CNTN1: variants seen among roughly 807,000 people sequenced by gnomAD.
CNTN1 encodes contactin-1.
Under a neutral mutation model 126.4 loss-of-function variants are expected in CNTN1, and 38 were observed. That is an observed-to-expected ratio of 0.30 (90% CI 0.23 to 0.39). The LOEUF is 0.39. Among genes scored for constraint, CNTN1 ranks in the 10% least tolerant of loss-of-function variants. The pLI, the probability that CNTN1 is intolerant of heterozygous loss-of-function variation, is 1.00. For synonymous variants in CNTN1, 413 were observed against 422.6 expected (o/e 0.98, Z 0.28); for missense variants, 1,009 against 1,248.4 (o/e 0.81, Z 2.89).
intron 20 of CNTN1, 140 bp downstream of exon 20, chr12:41,020,580 A>G: frequency 1.6e-6 from 1 of 620,748 alleles, no homozygotes; most frequent in Non-Finnish European, 2.8e-6. Flanking sequence ...TATTGTGGTC[A>G]TATATAAGTT....
intron 4 of CNTN1, among the ~76,000 whole-genome samples, chr12:40,921,927 C>A (rs1198054953): frequency 6.6e-6 from 1 of 152,118 alleles, no homozygotes; most frequent in East Asian, 1.9e-4. Flanking sequence ...ATGAATCTAA[C>A]TGGTGCATAG....
chr12:40,804,969 G>A (rs1346944296), intron 1 of CNTN1, among the ~76,000 whole-genome samples: 1 of 151,562 alleles, frequency 6.6e-6, no homozygotes, highest in Admixed American at 6.6e-5. Context: ...CTTCTTCAAA[G>A]ATATCACTGC....
intron 1 of CNTN1, among the ~76,000 whole-genome samples, chr12:40,743,889 A>G (rs923516317): frequency 2.0e-5 from 3 of 152,058 alleles, no homozygotes; most frequent in African/African-American, 7.2e-5. Flanking sequence ...GGTATTGCCT[A>G]GATTTTCTTC....
intron 1 of CNTN1, among the ~76,000 whole-genome samples, chr12:40,794,800 G>A (rs1409696307): frequency 1.3e-5 from 2 of 152,050 alleles, no homozygotes; most frequent in Non-Finnish European, 2.9e-5. Flanking sequence ...CTTGAAAAGT[G>A]AGTCTGCCAA....
chr12:40,765,155 T>C (rs1939030070), intron 1 of CNTN1, among the ~76,000 whole-genome samples: 1 of 152,068 alleles, frequency 6.6e-6, no homozygotes, highest in Non-Finnish European at 1.5e-5. Flanking sequence ...AATGGATATA[T>C]ATGCAGAATA....
chr12:40,891,471 T>A (rs562699577), intron 1 of CNTN1, among the ~76,000 whole-genome samples: 1 of 152,178 alleles, frequency 6.6e-6, no homozygotes, highest in Non-Finnish European at 1.5e-5. Flanking sequence ...GTTATTTCCA[T>A]ACCTACTTTC....
intron 17 of CNTN1, among the ~76,000 whole-genome samples, chr12:41,001,362 G>T (rs957847938): frequency 6.6e-6 from 1 of 152,074 alleles, no homozygotes; most frequent in South Asian, 2.1e-4. Flanking sequence ...TCATTATGTG[G>T]AGCTTTTTTC....
chr12:40,813,038 C>CTTTCTTTCTTTCTTTCTTTCTTTTT (rs1211719482), intron 1 of CNTN1, among the ~76,000 whole-genome samples: 1 of 84,950 alleles, frequency 1.2e-5, no homozygotes, highest in Admixed American at 1.4e-4. Context: ...CTCTTTCTTT[C>CTTTCTTTCTTTCTTTCTTTCTTTTT]CTTTCTTTCT....
chr12:40,943,603 C>T lies in CNTN1; in HGVS notation c.1386C>T (p.Leu462=). The T allele has an allele frequency of 1.3e-6, 2 of 1,569,574 alleles. No homozygotes were observed. The highest frequency in any genetic ancestry group is 1.8e-6 in the Non-Finnish European group (2 of 1,139,726). The change falls in exon 13 of 24, where the codon CTC becomes CTT. Residue 462 remains leucine, a synonymous_variant. Transcript: ENST00000551295. ...TATATTTTTATTTCACTAGAATACT[C>T]ATTTGGGAAGATGGTAGCTTGGAAA... The part of the protein sequence containing the change: ...TEWLVNSSRI[L]IWEDGSLEIN...
At chr12:41,022,400 C>T (rs751089003) in intron 20 of CNTN1, among the ~76,000 whole-genome samples, 7 of 152,164 alleles carry the variant, frequency 4.6e-5, no homozygotes, top group Non-Finnish European at 1.0e-4. Flanking sequence ...TGCTGCTGAG[C>T]AAACATGGGT....
chr12:40,741,751 T>C (rs1750755189), intron 1 of CNTN1, among the ~76,000 whole-genome samples: 1 of 152,076 alleles, frequency 6.6e-6, no homozygotes, highest in South Asian at 2.1e-4. Context: ...TTTTCCTTGA[T>C]ACAAGTATTT....
chr12:40,845,547 G>T (rs1185245852), intron 1 of CNTN1, among the ~76,000 whole-genome samples: 3 of 152,138 alleles, frequency 2.0e-5, no homozygotes, highest in Non-Finnish European at 4.4e-5. Context: ...CTGAATTTAT[G>T]TTAATGAGAT....
Position 40,927,912 on chromosome 12 carries a change from CAT to C in CNTN1, c.497-1883_497-1882del, listed in dbSNP as rs1038650087. ...ATCACTTCTTTCATTCCTTTTCACA[CAT>C]CTCTTATGAGTGGGGCACAGGAAAA... On this transcript the variant is annotated intron_variant, in intron 6 of 23. Coordinates refer to ENST00000551295, the MANE Select transcript of CNTN1 (RefSeq NM_001843.4). Among the ~76,000 whole-genome samples, 93 of 152,180 alleles carry C rather than the reference CAT, an allele frequency of 6.1e-4. 1 individual carries two copies. Among genetic ancestry groups the C allele is most frequent in the African/African-American group, 2.1e-3 (88 of 41,552 alleles).
intron 3 of CNTN1, among the ~76,000 whole-genome samples, chr12:40,914,691 T>C (rs887154785): frequency 1.3e-5 from 2 of 152,174 alleles, no homozygotes; most frequent in South Asian, 2.1e-4. Flanking sequence ...TTCTTGGAGA[T>C]TCGCTTCTTA....
At chr12:40,718,901 G>A (rs1191307139) in intron 1 of CNTN1, among the ~76,000 whole-genome samples, 2 of 151,974 alleles carry the variant, frequency 1.3e-5, no homozygotes, top group East Asian at 3.9e-4. Context: ...TGAATATCTG[G>A]GATTTTTTTT....
At chr12:40,955,513 T>G (rs1946842618) in intron 14 of CNTN1, among the ~76,000 whole-genome samples, 1 of 152,080 alleles carries the variant, frequency 6.6e-6, no homozygotes, top group Admixed American at 6.6e-5. Context: ...CTCAAGTCAG[T>G]TATTTTATCT....
intron 1 of CNTN1, among the ~76,000 whole-genome samples, chr12:40,852,004 G>C (rs1160068292): frequency 6.6e-6 from 1 of 152,090 alleles, no homozygotes; most frequent in African/African-American, 2.4e-5. Flanking sequence ...TTGAAGGCTA[G>C]GTGGTCTCAA....
rs955889830 is a variant in CNTN1 at position 40,849,499 on chromosome 12, G to A, written c.-76-58858G>A. Among the ~76,000 whole-genome samples, 6 of 152,054 alleles carry A rather than the reference G, an allele frequency of 3.9e-5. No individual in the cohort carries two copies. The South Asian group carries it at 6.2e-4, about 16-fold the overall frequency. ...ACTGACTCATAATTATGCCCCAATC[G>A]AGTCTACCCTCTGATTCCCCTAATA... On this transcript the variant is annotated intron_variant, in intron 1 of 23. Transcript: ENST00000551295.
chr12:40,963,804 A>G (rs572096016), intron 15 of CNTN1, among the ~76,000 whole-genome samples: 1 of 152,198 alleles, frequency 6.6e-6, no homozygotes, highest in Admixed American at 6.6e-5. Flanking sequence ...TAAGTGTCTG[A>G]TGCTTGTGAA....
Sources: gnomAD v4.1 joint callset for allele counts (sites outside exome capture counted in the v4.1 genomes callset) on GRCh38, gnomAD v4.1.1 for gene constraint, MANE v1.5 for transcripts, NCBI Gene and HGNC (gene_info 2026-07-23, HGNC 2026-07-21) for gene names.